WDR59: variants seen among roughly 807,000 people sequenced by gnomAD.
WDR59 encodes the protein GATOR2 complex protein WDR59.
In WDR59, 100 loss-of-function variants were observed where a neutral mutation model predicts 131.2. The ratio of observed to expected loss-of-function variants is 0.76; its 90% CI spans 0.65 to 0.90. WDR59 has a LOEUF of 0.90. Ranked by LOEUF, WDR59 falls within the 40% of genes least tolerant of loss-of-function variation. The pLI is 0.00. For missense variants in WDR59, 1,203 were observed against 1,262.2 expected (o/e 0.95, Z 0.71); for synonymous variants, 601 against 466.2 (o/e 1.29, Z -3.72).
chr16:74,976,023 G>C (rs952772806), intron 1 of WDR59, among the ~76,000 whole-genome samples: 1 of 151,936 alleles, frequency 6.6e-6, no homozygotes, highest in South Asian at 2.1e-4. Context: ...ATTTAAAAAA[G>C]AAAAAATATT....
In WDR59 at chr16:74,915,086, T is replaced by C. The variant is rs143295428; in HGVS notation, c.1224+784A>G. ...AACAAAGAAGTTTTGGTTGCCTTCTTACTGTGAATCTAAATTACCAGGAAA... is the reference window on the plus strand; with the variant it reads ...AACAAAGAAGTTTTGGTTGCCTTCTCACTGTGAATCTAAATTACCAGGAAA... On this transcript the variant is annotated intron_variant, in intron 13 of 25. Coordinates refer to ENST00000262144, the MANE Select transcript of WDR59 (RefSeq NM_030581.4). Among the ~76,000 whole-genome samples, 5 of 152,360 alleles carry C rather than the reference T, an allele frequency of 3.3e-5. No individual in the cohort carries two copies. In the East Asian group the frequency reaches 9.6e-4, roughly 29 times the overall value.
intron 9 of WDR59, among the ~76,000 whole-genome samples, chr16:74,922,633 C>G (rs560815863): frequency 6.6e-6 from 1 of 152,260 alleles, no homozygotes; most frequent in Non-Finnish European, 1.5e-5. Context: ...TTTTACTTGG[C>G]AAAACCCAAA....
intron 23 of WDR59, among the ~76,000 whole-genome samples, chr16:74,886,696 G>A (rs1225616929): frequency 1.3e-5 from 2 of 152,168 alleles, no homozygotes; most frequent in Non-Finnish European, 1.5e-5. Flanking sequence ...CAGGCAGGCA[G>A]ATCACCTGAG....
At chr16:74,883,796 T>A (rs1964630412) in intron 25 of WDR59, among the ~76,000 whole-genome samples, 1 of 152,016 alleles carries the variant, frequency 6.6e-6, no homozygotes, top group South Asian at 2.1e-4. Flanking sequence ...AGCTCCAGGG[T>A]CAACACACCC....
intron 14 of WDR59, among the ~76,000 whole-genome samples, chr16:74,910,401 C>T (rs1275446491): frequency 6.6e-6 from 1 of 152,184 alleles, no homozygotes; most frequent in East Asian, 1.9e-4. Flanking sequence ...ACAGGATTCA[C>T]TCCTGAGCCC....
chr16:74,874,489 T>C (rs564988794), intron 25 of WDR59, 45 bp from the exon 26 acceptor site: 1 of 1,579,700 alleles, frequency 6.3e-7, no homozygotes, highest in Admixed American at 1.7e-5. Context: ...AGCATGAGTT[T>C]AGTTCTGAAA....
chr16:74,912,102 C>G (rs746820048), intron 14 of WDR59, 96 bp downstream of exon 14: 4 of 1,531,736 alleles, frequency 2.6e-6, no homozygotes. Flanking sequence ...CAGATGACTT[C>G]CGAATCTCAT....
chr16:74,978,213 C>T lies in WDR59; in HGVS notation c.54+6751G>A, dbSNP rs558793176. Among the ~76,000 whole-genome samples the T allele has an allele frequency of 3.9e-3, 587 of 151,630 alleles. 4 individuals carry two copies. Among genetic ancestry groups the T allele is most frequent in the African/African-American group, 0.014 (564 of 41,324 alleles). The stretch of plus-strand genomic sequence containing the variant: ...TGATGGGCTCCTGTAATCCCAGCTA[C>T]TCAGGAGGCTGAGGCAGAGAATCGC... On this transcript the variant is annotated intron_variant, in intron 1 of 25. Coordinates refer to ENST00000262144, the MANE Select transcript of WDR59 (RefSeq NM_030581.4).
intron 18 of WDR59, among the ~76,000 whole-genome samples, chr16:74,897,518 T>G (rs982454246): frequency 6.6e-6 from 1 of 152,234 alleles, no homozygotes; most frequent in African/African-American, 2.4e-5. Context: ...CAATGAATTA[T>G]GAAAATCACA....
chr16:74,909,470 A>C, intron 16 of WDR59, 31 bp downstream of exon 16: 1 of 1,513,752 alleles, frequency 6.6e-7, no homozygotes. Flanking sequence ...TCCCTCTCGA[A>C]ATCTAGAATC....
intron 18 of WDR59, among the ~76,000 whole-genome samples, chr16:74,900,023 G>A (rs1597667981): frequency 6.6e-6 from 1 of 152,098 alleles, no homozygotes; most frequent in East Asian, 1.9e-4. Flanking sequence ...GGTATATGGA[G>A]GCTGACATCA....
chr16:74,979,001 C>T (rs949905518), intron 1 of WDR59: 5 of 152,206 alleles, frequency 3.3e-5, no homozygotes, highest in South Asian at 2.1e-4. Flanking sequence ...CTGCACATTC[C>T]AGCATCTTAC....
At chr16:74,917,076 C>T (rs1425352901) in intron 11 of WDR59, among the ~76,000 whole-genome samples, 1 of 152,102 alleles carries the variant, frequency 6.6e-6, no homozygotes, top group African/African-American at 2.4e-5. Flanking sequence ...ACAAGTGAGA[C>T]ACCTTCCCAC....
At position 74,931,466 on chromosome 16, in the gene WDR59, G is replaced by C. The variant is rs185801051; in HGVS notation, c.651+6684C>G. ...TTCTCCCACCTCTGCCTCCCAAGTA[G>C]CTGGGACTACAGGTGGTTGCTACCA... is the stretch of plus-strand genomic sequence containing the variant. On this transcript the variant is annotated intron_variant, in intron 8 of 25. Coordinates refer to ENST00000262144, the MANE Select transcript of WDR59 (RefSeq NM_030581.4). Among the ~76,000 whole-genome samples, 3 of 152,170 alleles carry C rather than the reference G, an allele frequency of 2.0e-5. No individual in the cohort carries two copies. In the East Asian group the frequency reaches 5.8e-4, roughly 29 times the overall value.
intron 7 of WDR59, among the ~76,000 whole-genome samples, chr16:74,940,981 G>A (rs1426022631): frequency 6.6e-6 from 1 of 151,960 alleles, no homozygotes; most frequent in East Asian, 1.9e-4. Context: ...TGGGATTACA[G>A]GTGTGAGCCA....
chr16:74,978,565 A>C (rs765395825), intron 1 of WDR59, among the ~76,000 whole-genome samples: 15 of 152,198 alleles, frequency 9.9e-5, no homozygotes, highest in Non-Finnish European at 2.1e-4. Flanking sequence ...ACATGATTCC[A>C]TTTGTTATAG....
At chr16:74,899,847 A>C in intron 18 of WDR59, 1 of 933,288 alleles carries the variant, frequency 1.1e-6, no homozygotes, top group African/African-American at 1.7e-5. Flanking sequence ...AGCTTCCCAC[A>C]CATCCGATGG....
chr16:74,941,875 C>T (rs560482815), intron 7 of WDR59, among the ~76,000 whole-genome samples: 7 of 152,206 alleles, frequency 4.6e-5, no homozygotes, highest in Admixed American at 3.3e-4. Context: ...CTCTTCCAAA[C>T]GTATGGAGGG....
chr16:74,886,677 T>G (rs1267533837), intron 23 of WDR59, among the ~76,000 whole-genome samples: 1 of 152,138 alleles, frequency 6.6e-6, no homozygotes, highest in African/African-American at 2.4e-5. Context: ...CCCAGCACTT[T>G]TGGAGGCCCA....
Sources: allele counts gnomAD v4.1 joint callset (sites outside exome capture counted in the v4.1 genomes callset), GRCh38; gene constraint gnomAD v4.1.1; transcripts MANE v1.5; gene names NCBI Gene and HGNC (gene_info 2026-07-23, HGNC 2026-07-21).